TSPAN11: variants seen among roughly 807,000 people sequenced by gnomAD.
TSPAN11 encodes tetraspanin-11.
TSPAN11 carries 29 observed loss-of-function variants against 32.9 expected under a neutral mutation model. The observed-to-expected ratio is 0.88, with a 90% CI of 0.66 to 1.20. TSPAN11 has a LOEUF of 1.20. TSPAN11 is among the 50% of genes most tolerant of loss of function. The probability of loss-of-function intolerance (pLI) is 0.00; values close to 1 mark genes in which losing one functional copy is unlikely to be tolerated. For missense variants in TSPAN11, 283 were observed against 329.1 expected (o/e 0.86, Z 1.08); for synonymous variants, 140 against 141.3 (o/e 0.99, Z 0.07).
At chr12:30,939,540 C>T (rs1177053672) in intron 1 of TSPAN11, among the ~76,000 whole-genome samples, 2 of 152,172 alleles carry the variant, frequency 1.3e-5, no homozygotes, top group Non-Finnish European at 2.9e-5. Context: ...ACCACATGCA[C>T]GCACTCCATC....
intron 7 of TSPAN11, among the ~76,000 whole-genome samples, chr12:30,989,041 C>T (rs1939259869): frequency 6.6e-6 from 1 of 152,248 alleles, no homozygotes; most frequent in Non-Finnish European, 1.5e-5. Flanking sequence ...CCCAGGGGGC[C>T]GGCAGAGGAG....
chr12:30,978,905 CAAGA>C, intron 4 of TSPAN11: 2 of 492,530 alleles, frequency 4.1e-6, no homozygotes, highest in Non-Finnish European at 7.3e-6. Context: ...TCTCCCCTTC[CAAGA>C]ATGGTCTAGA....
chr12:31,011,730 C>T, the TSPAN11 span, among the ~76,000 whole-genome samples: 3 of 152,328 alleles, frequency 2.0e-5, no homozygotes, highest in South Asian at 2.1e-4. Flanking sequence ...GAAACTAACA[C>T]AGGCCCCCAT....
intron 4 of TSPAN11, chr12:30,979,024 G>A (rs897390406): frequency 3.7e-5 from 10 of 270,294 alleles, no homozygotes; most frequent in African/African-American, 1.9e-4. Context: ...ATTAAGCAAG[G>A]ATGGAGTGAG....
At chr12:31,010,802 A>G in the TSPAN11 span, among the ~76,000 whole-genome samples, 1 of 152,156 alleles carries the variant, frequency 6.6e-6, no homozygotes, top group East Asian at 1.9e-4. Context: ...TCTCAAAAAA[A>G]TAAATAAAAT....
intron 3 of TSPAN11, 38 bp from the exon 4 acceptor site, chr12:30,978,523 C>G: frequency 6.2e-7 from 1 of 1,604,924 alleles, no homozygotes; most frequent in Non-Finnish European, 8.5e-7. Context: ...AGCAGCAACC[C>G]GATCCCAGTG....
intron 2 of TSPAN11, among the ~76,000 whole-genome samples, chr12:30,959,193 C>T (rs931625292): frequency 5.9e-5 from 9 of 152,072 alleles, no homozygotes; most frequent in African/African-American, 2.2e-4. Flanking sequence ...TGCTGGGCCG[C>T]GTTCTGAGGG....
chr12:31,016,183 T>C, the TSPAN11 span, among the ~76,000 whole-genome samples: 1 of 152,118 alleles, frequency 6.6e-6, no homozygotes, highest in African/African-American at 2.4e-5. Flanking sequence ...TGAGTCCACT[T>C]ATGTGAGGTG....
chr12:31,003,224 C>A, the TSPAN11 span, among the ~76,000 whole-genome samples: 1 of 152,234 alleles, frequency 6.6e-6, no homozygotes, highest in Admixed American at 6.5e-5. Context: ...AGAGGAGAGA[C>A]ACTTAGCCAC....
the TSPAN11 span, among the ~76,000 whole-genome samples, chr12:31,007,330 GACC>G: frequency 6.6e-6 from 1 of 152,066 alleles, no homozygotes; most frequent in African/African-American, 2.4e-5. Context: ...GCCACACCCA[GACC>G]CACAAACCCA....
At chr12:30,963,758 G>T in intron 2 of TSPAN11, 68 bp from the exon 3 acceptor site, 1 of 1,532,224 alleles carries the variant, frequency 6.5e-7, no homozygotes, top group Non-Finnish European at 8.8e-7. Context: ...GCACCCTGTG[G>T]GCACTGAACG....
chr12:30,950,553 T>C (rs547258519), intron 1 of TSPAN11, among the ~76,000 whole-genome samples: 1 of 152,346 alleles, frequency 6.6e-6, no homozygotes, highest in South Asian at 2.1e-4. Context: ...CTGCTTCCTC[T>C]GCTGTACCAG....
chr12:30,956,818 C>T (rs945787824), intron 2 of TSPAN11, among the ~76,000 whole-genome samples: 2 of 152,198 alleles, frequency 1.3e-5, no homozygotes, highest in African/African-American at 4.8e-5. Context: ...ATAATCAAAA[C>T]GTTTCTAGCC....
chr12:31,011,710 G>C, the TSPAN11 span, among the ~76,000 whole-genome samples: 1 of 152,196 alleles, frequency 6.6e-6, no homozygotes, highest in Non-Finnish European at 1.5e-5. Flanking sequence ...AAACCCATTG[G>C]TGATTCCATG....
chr12:30,929,083 G>T (rs182424186), intron 1 of TSPAN11, among the ~76,000 whole-genome samples: 1 of 152,176 alleles, frequency 6.6e-6, no homozygotes, highest in Non-Finnish European at 1.5e-5. Flanking sequence ...CTGGCAGGGC[G>T]CCAGGTCCCT....
In TSPAN11 at chr12:30,975,683, C is replaced by T. The variant is rs1351218187; in HGVS notation, c.277-2878C>T. Among the ~76,000 whole-genome samples, 7 of 151,886 alleles carry T rather than the reference C, an allele frequency of 4.6e-5. No individual in the cohort carries two copies. The East Asian group carries it at 1.2e-3, about 25-fold the overall frequency. On this transcript the variant is annotated intron_variant, in intron 3 of 7. Coordinates refer to ENST00000546076, the MANE Select transcript of TSPAN11 (RefSeq NM_001370302.1). This position sits in a 1 kb window ranked among gnomAD's most constrained non-coding sequence, Gnocchi z 4.5. ...ACCCCGTCTTCAATAGTAACTGGGG[C>T]AGTGGCTTCCCCCGAGAAGTGGCGT...
chr12:30,956,916 T>G (rs1462213937), intron 2 of TSPAN11, among the ~76,000 whole-genome samples: 1 of 152,226 alleles, frequency 6.6e-6, no homozygotes, highest in Non-Finnish European at 1.5e-5. Flanking sequence ...AGAAGCTGTG[T>G]CCTGCCCTTG....
intron 7 of TSPAN11, among the ~76,000 whole-genome samples, chr12:30,984,133 G>A (rs928198540): frequency 2.6e-5 from 4 of 152,176 alleles, no homozygotes; most frequent in Non-Finnish European, 4.4e-5. Context: ...GCCTGCTTCC[G>A]CTCAGCAGGA....
In TSPAN11 at chr12:30,934,546, A is replaced by G. The variant is rs377442412; in HGVS notation, c.-12+7750A>G. Among the ~76,000 whole-genome samples the G allele has an allele frequency of 2.7e-4, 41 of 152,296 alleles. 1 individual carries two copies. The highest frequency in any genetic ancestry group is 9.6e-4 in the African/African-American group (40 of 41,576). ...CCTTATATACTGAGGTTTTACATCA[A>G]GTTTGTCAAACCTCTGGCCTGCATG... On this transcript the variant is annotated intron_variant, in intron 1 of 7. Coordinates refer to ENST00000546076, the MANE Select transcript of TSPAN11 (RefSeq NM_001370302.1).
Sources: allele counts gnomAD v4.1 joint callset (sites outside exome capture counted in the v4.1 genomes callset), GRCh38; gene constraint gnomAD v4.1.1; non-coding constraint Gnocchi (gnomAD v3.1); transcripts MANE v1.5; gene names NCBI Gene and HGNC (gene_info 2026-07-23, HGNC 2026-07-21).